SV2C: variants seen among roughly 807,000 people sequenced by gnomAD.
SV2C encodes the protein solute carrier family 22 member B3.
SV2C carries 49 observed loss-of-function variants against 79.7 expected under a neutral mutation model. The ratio of observed to expected loss-of-function variants is 0.61; its 90% CI spans 0.49 to 0.78. SV2C has a LOEUF of 0.78. Among genes scored for constraint, SV2C ranks in the 30% least tolerant of loss-of-function variants. The pLI, the probability that SV2C is intolerant of heterozygous loss-of-function variation, is 0.00. For synonymous variants in SV2C, 334 were observed against 333.2 expected (o/e 1.00, Z -0.03); for missense variants, 833 against 912.9 (o/e 0.91, Z 1.13).
exon 13 of SV2C, chr5:76,353,395 C>T (rs1379141722): frequency 5.0e-6 from 1 of 201,674 alleles, no homozygotes; most frequent in Non-Finnish European, 1.0e-5. Context: ...GTAACCAAGT[C>T]AACAAGTGTG....
chr5:75,899,721 C>A, the SV2C span, among the ~76,000 whole-genome samples: 1 of 152,034 alleles, frequency 6.6e-6, no homozygotes, highest in Non-Finnish European at 1.5e-5. Context: ...GTAGGTCACT[C>A]AGGACTTGCT....
intron 4 of SV2C, among the ~76,000 whole-genome samples, chr5:76,264,795 C>G (rs973645572): frequency 6.6e-6 from 1 of 152,176 alleles, no homozygotes; most frequent in Admixed American, 6.5e-5. Context: ...CCTGCCTGCT[C>G]CTTCCTCTGG....
At chr5:76,284,946 C>T (rs79139560) in intron 4 of SV2C, among the ~76,000 whole-genome samples, 1 of 152,304 alleles carries the variant, frequency 6.6e-6, no homozygotes, top group East Asian at 1.9e-4. Context: ...CATACTTAGG[C>T]CTTGACCCCT....
intron 2 of SV2C, among the ~76,000 whole-genome samples, chr5:76,190,292 G>A (rs1355923234): frequency 6.6e-6 from 1 of 152,196 alleles, no homozygotes; most frequent in African/African-American, 2.4e-5. Flanking sequence ...AGTACAAAAA[G>A]GAAAAGTGTG....
Position 76,130,145 on chromosome 5 carries a change from TAAAAAAAAAAAAAAAAA to T in SV2C, c.-101-1486_-101-1470del, listed in dbSNP as rs375351450. On this transcript the variant is annotated intron_variant, in intron 1 of 12. Coordinates refer to ENST00000502798, the MANE Select transcript of SV2C (RefSeq NM_014979.4). ...CTCCCTTTCTCTTCCTCTCAGTTCT[TAAAAAAAAAAAAAAAAA>T]AAAAAAAAAAAAAAAAAAGAGCTGG... 1.9e-3 allele frequency among the ~76,000 whole-genome samples: 132 copies of T among 67,830 alleles called. 1 individual carries two copies. The highest frequency in any genetic ancestry group is 3.1e-3 in the Admixed American group (15 of 4,808). 44.5% of individuals were successfully genotyped at this position (67,830 alleles called of 152,430 possible).
the SV2C span, among the ~76,000 whole-genome samples, chr5:75,931,330 T>C: frequency 2.0e-4 from 30 of 152,320 alleles, no homozygotes; most frequent in East Asian, 5.0e-3. Context: ...TGGTCACAAA[T>C]CTTCTATGTG....
At chr5:76,257,362 G>C (rs552237896) in intron 4 of SV2C, among the ~76,000 whole-genome samples, 1 of 151,348 alleles carries the variant, frequency 6.6e-6, no homozygotes, top group Non-Finnish European at 1.5e-5. Context: ...CTACATGGTT[G>C]TATGTGTTGG....
intron 4 of SV2C, among the ~76,000 whole-genome samples, chr5:76,272,323 A>G (rs1245723587): frequency 6.6e-6 from 1 of 152,124 alleles, no homozygotes; most frequent in African/African-American, 2.4e-5. Context: ...TTGTTATCAC[A>G]AAAATCTTCT....
chr5:76,092,884 G>A (rs570894634), intron 1 of SV2C, among the ~76,000 whole-genome samples: 2 of 151,964 alleles, frequency 1.3e-5, no homozygotes, highest in Admixed American at 1.3e-4. Context: ...TCTCTCCTAG[G>A]CCCCTTGCAG....
chr5:76,165,552 A>G (rs968883506), intron 2 of SV2C, among the ~76,000 whole-genome samples: 1 of 152,076 alleles, frequency 6.6e-6, no homozygotes, highest in Non-Finnish European at 1.5e-5. Context: ...CTCTATCTCT[A>G]TAATTTTTTC....
intron 1 of SV2C, among the ~76,000 whole-genome samples, chr5:76,101,724 T>C (rs1041441272): frequency 6.6e-6 from 1 of 152,172 alleles, no homozygotes; most frequent in Non-Finnish European, 1.5e-5. Context: ...CAACATTTAT[T>C]AGAAATTTCA....
At chr5:76,174,320 C>T (rs966358609) in intron 2 of SV2C, 37 of 801,732 alleles carry the variant, frequency 4.6e-5, no homozygotes, top group South Asian at 2.3e-4. Context: ...CGCGCCGCTC[C>T]GGCTGGTTTA....
Position 76,291,232 on chromosome 5 carries a change from A to G in SV2C, c.1149A>G (p.Ile383Met). ...GTTTCTCTCTACAGGTAAACAAAAT[A>G]AAAACTCCTAAACAAATAGATGAGC... The part of the protein sequence containing the change: ...QPEKVFTVNK[I>M]KTPKQIDELI... Residue 383 changes from isoleucine (I) to methionine (M), a missense_variant, in exon 7 of 13, where the codon ATA becomes ATG. By Grantham distance (10) the Ile-to-Met change is conservative (BLOSUM62 1). Coordinates refer to ENST00000502798, the MANE Select transcript of SV2C (RefSeq NM_014979.4). The G allele has an allele frequency of 6.2e-7, 1 of 1,610,360 alleles. No individual in the cohort carries two copies. Among genetic ancestry groups the G allele is most frequent in the Non-Finnish European group, 8.5e-7 (1 of 1,178,672 alleles).
the SV2C span, among the ~76,000 whole-genome samples, chr5:75,866,210 A>G: frequency 3.8e-5 from 5 of 132,244 alleles, no homozygotes; most frequent in Admixed American, 1.4e-4. Flanking sequence ...TTCATCTCCA[A>G]TGCATTTTTT....
At chr5:76,350,859 C>A (rs1165937221) in intron 12 of SV2C, among the ~76,000 whole-genome samples, 6 of 151,982 alleles carry the variant, frequency 3.9e-5, no homozygotes. Context: ...ACTAAAAATA[C>A]AAAAATGAGC....
At chr5:75,946,841 G>T in the SV2C span, among the ~76,000 whole-genome samples, 2 of 152,126 alleles carry the variant, frequency 1.3e-5, no homozygotes, top group Middle Eastern at 3.4e-3. Context: ...GTGCTCATAG[G>T]TACATGACTC....
chr5:75,985,679 CAAAAGTAATGTTAAAA>C, the SV2C span, among the ~76,000 whole-genome samples: 43 of 150,790 alleles, frequency 2.9e-4, no homozygotes, highest in African/African-American at 1.0e-3. Flanking sequence ...TAAGTAGTAA[CAAAAGTAATGTTAAAA>C]AAAAGTAATG....
At chr5:75,969,479 A>G in the SV2C span, among the ~76,000 whole-genome samples, 3 of 152,198 alleles carry the variant, frequency 2.0e-5, no homozygotes, top group African/African-American at 4.8e-5. Flanking sequence ...ATGGAGGAAG[A>G]TCTACCAAGA....
chr5:76,273,152 T>A (rs978568499), intron 4 of SV2C, among the ~76,000 whole-genome samples: 30 of 139,536 alleles, frequency 2.1e-4, no homozygotes, highest in African/African-American at 8.2e-4. Context: ...AAAAGATATA[T>A]ATATATATAT....
Sources: gnomAD v4.1 joint callset for allele counts (sites outside exome capture counted in the v4.1 genomes callset) on GRCh38, gnomAD v4.1.1 for gene constraint, MANE v1.5 for transcripts, NCBI Gene and HGNC (gene_info 2026-07-23, HGNC 2026-07-21) for gene names.